The following MACROD2 variants were observed in gnomAD, a reference collection of about 807,000 sequenced individuals.
MACROD2 encodes the protein ADP-ribose glycohydrolase MACROD2.
In MACROD2, 36 loss-of-function variants were observed where a neutral mutation model predicts 70.4. The observed-to-expected ratio is 0.51, with a 90% CI of 0.39 to 0.68. The LOEUF is 0.68. MACROD2 is among the 30% of genes least tolerant of loss of function. The pLI is 0.00. For missense variants in MACROD2, 496 were observed against 538.4 expected (o/e 0.92, Z 0.78); for synonymous variants, 172 against 178.8 (o/e 0.96, Z 0.30).
chr20:14,350,141 T>G (rs1156895569), intron 3 of MACROD2, among the ~76,000 whole-genome samples: 2 of 152,190 alleles, frequency 1.3e-5, no homozygotes, highest in African/African-American at 4.8e-5. Flanking sequence ...GATGAACTCT[T>G]AGGTTGCTTC....
At chr20:15,586,183 G>C (rs1023542326) in intron 8 of MACROD2, among the ~76,000 whole-genome samples, 2 of 152,108 alleles carry the variant, frequency 1.3e-5, no homozygotes, top group Non-Finnish European at 2.9e-5. Flanking sequence ...ATTAACACAC[G>C]TTGAGATCCA....
chr20:15,758,842 C>T (rs2051389654), intron 8 of MACROD2, among the ~76,000 whole-genome samples: 1 of 151,512 alleles, frequency 6.6e-6, no homozygotes, highest in South Asian at 2.1e-4. Context: ...TGTTCCTGGC[C>T]TAATTCGGTT....
chr20:15,268,639 C>T lies in MACROD2; in HGVS notation c.540+38578C>T, dbSNP rs143998830. 6.5e-4 allele frequency among the ~76,000 whole-genome samples: 99 copies of T among 152,256 alleles called. No individual in the cohort carries two copies. In the East Asian group the frequency reaches 0.014, roughly 21 times the overall value. On this transcript the variant is annotated intron_variant, in intron 6 of 17. Coordinates refer to ENST00000684519, the MANE Select transcript of MACROD2 (RefSeq NM_001351661.2). The stretch of plus-strand genomic sequence containing the variant: ...CTGCACTCCAGCCTGGGTGACAGAG[C>T]GAGACTCATCTCAAAATACATAAAT...
At chr20:15,372,613 G>C (rs1300663590) in intron 6 of MACROD2, among the ~76,000 whole-genome samples, 1 of 152,082 alleles carries the variant, frequency 6.6e-6, no homozygotes, top group Non-Finnish European at 1.5e-5. Context: ...ATAATTATGT[G>C]TTGCCAAAAT....
intron 3 of MACROD2, among the ~76,000 whole-genome samples, chr20:14,343,800 C>T (rs1236212481): frequency 6.6e-6 from 1 of 152,134 alleles, no homozygotes; most frequent in Non-Finnish European, 1.5e-5. Flanking sequence ...CAATATGTGT[C>T]TGATTATTGA....
chr20:14,426,077 G>A (rs973502773), intron 3 of MACROD2, among the ~76,000 whole-genome samples: 8 of 152,008 alleles, frequency 5.3e-5, no homozygotes, highest in East Asian at 1.9e-4. Flanking sequence ...ATTTCTATCC[G>A]TTGTAATAAG....
intron 5 of MACROD2, among the ~76,000 whole-genome samples, chr20:14,737,323 T>C (rs1055282620): frequency 2.0e-5 from 3 of 152,192 alleles, no homozygotes; most frequent in African/African-American, 7.2e-5. Context: ...ATGGTGTATA[T>C]GTGCCACATT....
chr20:14,034,106 G>A (rs1185470901), intron 2 of MACROD2, among the ~76,000 whole-genome samples: 1 of 152,048 alleles, frequency 6.6e-6, no homozygotes, highest in African/African-American at 2.4e-5. Flanking sequence ...CGACTAGTTG[G>A]GACTACAGGC....
chr20:15,652,197 T>C (rs989051449), intron 8 of MACROD2, among the ~76,000 whole-genome samples: 3 of 152,232 alleles, frequency 2.0e-5, no homozygotes, highest in Admixed American at 2.0e-4. Context: ...CTTTTCTTTA[T>C]GAGACTGTTG....
intron 5 of MACROD2, among the ~76,000 whole-genome samples, chr20:15,180,350 A>G (rs1263057714): frequency 1.3e-5 from 2 of 152,240 alleles, no homozygotes; most frequent in Non-Finnish European, 2.9e-5. Context: ...ATTCGTAGAA[A>G]TTTAGATGGG....
chr20:14,760,339 G>T (rs939969392), intron 5 of MACROD2, among the ~76,000 whole-genome samples: 4 of 152,036 alleles, frequency 2.6e-5, no homozygotes, highest in Non-Finnish European at 5.9e-5. Context: ...TACTCTGGGG[G>T]TATCTGATAC....
intron 3 of MACROD2, among the ~76,000 whole-genome samples, chr20:14,261,878 G>A (rs999059530): frequency 2.3e-5 from 3 of 127,752 alleles, no homozygotes; most frequent in Middle Eastern, 3.8e-3. Context: ...TTGGAGAAAC[G>A]TGATTTTTTT....
intron 8 of MACROD2, among the ~76,000 whole-genome samples, chr20:15,668,720 C>T (rs1263336223): frequency 6.6e-6 from 1 of 152,190 alleles, no homozygotes; most frequent in Non-Finnish European, 1.5e-5. Context: ...TTTTCTCCCT[C>T]GTTTTCAATT....
chr20:15,728,620 A>G (rs2050898740), intron 8 of MACROD2, among the ~76,000 whole-genome samples: 1 of 152,058 alleles, frequency 6.6e-6, no homozygotes. Flanking sequence ...TCTTGGTTCC[A>G]TCTTGGGAGG....
At chr20:15,605,273 C>T (rs138592522) in intron 8 of MACROD2, among the ~76,000 whole-genome samples, 1 of 152,120 alleles carries the variant, frequency 6.6e-6, no homozygotes, top group Non-Finnish European at 1.5e-5. Flanking sequence ...GTCTTCCTCT[C>T]TCTGAGCACT....
At chr20:14,376,082 C>CT in intron 3 of MACROD2, among the ~76,000 whole-genome samples, 1 of 152,196 alleles carries the variant, frequency 6.6e-6, no homozygotes, top group South Asian at 2.1e-4. Flanking sequence ...TAAAAATTGC[C>CT]TTATGCCTTG....
chr20:14,693,833 T>C (rs2071089716), intron 5 of MACROD2, among the ~76,000 whole-genome samples: 1 of 151,986 alleles, frequency 6.6e-6, no homozygotes, highest in Non-Finnish European at 1.5e-5. Context: ...GATCTCACTC[T>C]GGAGAGTCTG....
chr20:15,776,854 G>A (rs989403245), intron 8 of MACROD2, among the ~76,000 whole-genome samples: 1 of 152,152 alleles, frequency 6.6e-6, no homozygotes, highest in Non-Finnish European at 1.5e-5. Context: ...TCCTGGGTTA[G>A]GTAGTGATTA....
rs533277530 is a variant in MACROD2 at position 15,855,132 on chromosome 20, C to T, written c.646-7613C>T. The stretch of plus-strand genomic sequence containing the variant: ...GAATCCATTCATTCTCCTCGTATCA[C>T]TGAACACAGGATAATCTTGGCTGTG... On this transcript the variant is annotated intron_variant, in intron 8 of 17. Coordinates refer to ENST00000684519, the MANE Select transcript of MACROD2 (RefSeq NM_001351661.2). 3.2e-4 allele frequency among the ~76,000 whole-genome samples: 49 copies of T among 152,336 alleles called. 1 individual carries two copies. The highest frequency in any genetic ancestry group is 1.2e-3 in the African/African-American group (48 of 41,596).
Sources: gnomAD v4.1 joint callset for allele counts (sites outside exome capture counted in the v4.1 genomes callset) on GRCh38, gnomAD v4.1.1 for gene constraint, MANE v1.5 for transcripts, NCBI Gene and HGNC (gene_info 2026-07-23, HGNC 2026-07-21) for gene names.